Variants in SGCZ observed in about 807,000 individuals in gnomAD.
The protein encoded by SGCZ is zeta-sarcoglycan.
Under a neutral mutation model 41.3 loss-of-function variants are expected in SGCZ, and 40 were observed. The ratio of observed to expected loss-of-function variants is 0.97; its 90% CI spans 0.75 to 1.26. The LOEUF is 1.26. SGCZ is among the 50% of genes most tolerant of loss of function. The pLI is 0.00. For synonymous variants in SGCZ, 206 were observed against 137.5 expected, an observed-to-expected ratio of 1.50 and a Z score of -3.49; for missense variants, 552 against 369.8, an observed-to-expected ratio of 1.49 and a Z score of -4.04.
chr8:15,215,750 T>C (rs567486046), intron 1 of SGCZ, among the ~76,000 whole-genome samples: 1 of 152,328 alleles, frequency 6.6e-6, no homozygotes, highest in South Asian at 2.1e-4. Context: ...TCTGGAATAG[T>C]AATAAACCTC....
chr8:14,603,417 A>G (rs1805654702), intron 1 of SGCZ, among the ~76,000 whole-genome samples: 1 of 152,170 alleles, frequency 6.6e-6, no homozygotes, highest in Non-Finnish European at 1.5e-5. Flanking sequence ...TTATCTATAT[A>G]AAGATTTTCT....
At chr8:14,346,422 A>C (rs1407408117) in intron 2 of SGCZ, among the ~76,000 whole-genome samples, 1 of 152,088 alleles carries the variant, frequency 6.6e-6, no homozygotes, top group African/African-American at 2.4e-5. Flanking sequence ...TGAGTGATTT[A>C]CTAAAATTCT....
chr8:15,000,892 C>A (rs1181928873), intron 1 of SGCZ, among the ~76,000 whole-genome samples: 1 of 152,228 alleles, frequency 6.6e-6, no homozygotes, highest in Non-Finnish European at 1.5e-5. Context: ...AAACTTTCCA[C>A]CCCTTAACCC....
intron 2 of SGCZ, among the ~76,000 whole-genome samples, chr8:14,352,820 T>C (rs1199433930): frequency 6.6e-6 from 1 of 152,120 alleles, no homozygotes; most frequent in Non-Finnish European, 1.5e-5. Flanking sequence ...AAACAACACA[T>C]GCATGCAGTC....
chr8:14,260,963 G>T lies in SGCZ; in HGVS notation c.337-23284C>A, dbSNP rs10111424. The stretch of plus-strand genomic sequence containing the variant: ...GGACAGTTGTGGGGTGTGGGGAGTG[G>T]GGAGGGATAGCATTGGGAGATATAC... On this transcript the variant is annotated intron_variant, in intron 3 of 7. Transcript: ENST00000382080. 2.0e-5 allele frequency among the ~76,000 whole-genome samples: 3 copies of T among 152,012 alleles called. No homozygotes were observed. In the East Asian group the frequency reaches 5.8e-4, roughly 29 times the overall value.
chr8:14,214,131 T>C (rs1429971068), intron 4 of SGCZ, among the ~76,000 whole-genome samples: 1 of 152,134 alleles, frequency 6.6e-6, no homozygotes, highest in East Asian at 1.9e-4. Context: ...GTGCCCTTGA[T>C]ATGATGTGAT....
At chr8:14,238,856 T>A (rs9942836) in intron 3 of SGCZ, among the ~76,000 whole-genome samples, 5,698 of 152,112 alleles carry the variant, frequency 0.037, 168 homozygotes, top group African/African-American at 0.077. Context: ...ATCCTTACCA[T>A]CTAGGCAGTA....
intron 4 of SGCZ, among the ~76,000 whole-genome samples, chr8:14,218,236 T>C (rs761383584): frequency 7.9e-5 from 12 of 152,348 alleles, no homozygotes; most frequent in Middle Eastern, 3.4e-3. Flanking sequence ...TTAAAATGTA[T>C]GTGTATTTCT....
intron 2 of SGCZ, among the ~76,000 whole-genome samples, chr8:14,413,516 G>C (rs1327182063): frequency 6.6e-6 from 1 of 151,952 alleles, no homozygotes; most frequent in Admixed American, 6.6e-5. Flanking sequence ...TCTTATACAA[G>C]CTAAATGGAT....
At chr8:14,470,261 T>C (rs988684049) in intron 2 of SGCZ, among the ~76,000 whole-genome samples, 1 of 152,182 alleles carries the variant, frequency 6.6e-6, no homozygotes, top group Non-Finnish European at 1.5e-5. Context: ...ATGCTGAGTT[T>C]TGTTTTTTCT....
chr8:14,791,025 TGTCTCAAAAAAAAA>T (rs1455571321), intron 1 of SGCZ, among the ~76,000 whole-genome samples: 5 of 146,140 alleles, frequency 3.4e-5, no homozygotes, highest in Non-Finnish European at 7.4e-5. Context: ...AGTGAGACTC[TGTCTCAAAAAAAAA>T]AGAAAAAAAA....
intron 1 of SGCZ, among the ~76,000 whole-genome samples, chr8:15,186,004 C>A (rs1198208177): frequency 4.6e-5 from 7 of 150,752 alleles, no homozygotes; most frequent in African/African-American, 9.8e-5. Context: ...GTGGGCAGAT[C>A]ACGAGGTCAG....
chr8:14,467,326 T>C (rs183011160), intron 2 of SGCZ, among the ~76,000 whole-genome samples: 8 of 152,030 alleles, frequency 5.3e-5, no homozygotes, highest in African/African-American at 1.7e-4. Context: ...CTTCAGCTAG[T>C]GGGGAAGAGC....
chr8:14,120,254 G>A (rs1273089821), intron 5 of SGCZ, among the ~76,000 whole-genome samples: 1 of 152,174 alleles, frequency 6.6e-6, no homozygotes, highest in Non-Finnish European at 1.5e-5. Context: ...ATTGACTGAT[G>A]GAGAACAATA....
intron 6 of SGCZ, 25 bp downstream of exon 6, chr8:14,108,138 C>T (rs371368036): frequency 2.5e-6 from 4 of 1,608,646 alleles, no homozygotes; most frequent in South Asian, 2.2e-5. Context: ...GATTTTATGC[C>T]ACAGGTATAA....
intron 4 of SGCZ, among the ~76,000 whole-genome samples, chr8:14,186,340 T>C (rs1167776022): frequency 6.6e-6 from 1 of 152,264 alleles, no homozygotes; most frequent in Non-Finnish European, 1.5e-5. Flanking sequence ...TGAATCTCTC[T>C]ATTTCCTTCC....
rs536561298 is a variant in SGCZ at position 14,265,580 on chromosome 8, G to A, written c.337-27901C>T. On this transcript the variant is annotated intron_variant, in intron 3 of 7. Coordinates refer to ENST00000382080, the MANE Select transcript of SGCZ (RefSeq NM_139167.4). Reference sequence around the variant, plus strand: ...AGATTTTATATTTTATTTTCATATCGCAAATCAGTAAGATTTGCTTTGATC... The same window carrying A: ...AGATTTTATATTTTATTTTCATATCACAAATCAGTAAGATTTGCTTTGATC... 2.6e-5 allele frequency among the ~76,000 whole-genome samples: 4 copies of A among 151,652 alleles called. No homozygotes were observed. The South Asian group carries it at 6.3e-4, about 24-fold the overall frequency.
At chr8:15,060,818 T>C (rs929497217) in intron 1 of SGCZ, among the ~76,000 whole-genome samples, 2 of 152,142 alleles carry the variant, frequency 1.3e-5, no homozygotes, top group African/African-American at 4.8e-5. Flanking sequence ...CATTAATTAA[T>C]AATGTACCTA....
chr8:14,750,835 A>G (rs937868147), intron 1 of SGCZ, among the ~76,000 whole-genome samples: 1 of 152,200 alleles, frequency 6.6e-6, no homozygotes, highest in Non-Finnish European at 1.5e-5. Flanking sequence ...TACTGTGCCT[A>G]TTCAGGTTTG....
Sources: gnomAD v4.1 joint callset for allele counts (sites outside exome capture counted in the v4.1 genomes callset) on GRCh38, gnomAD v4.1.1 for gene constraint, MANE v1.5 for transcripts, NCBI Gene and HGNC (gene_info 2026-07-23, HGNC 2026-07-21) for gene names.